The following DPYD variants were observed in gnomAD, a reference collection of about 807,000 sequenced individuals.
DPYD encodes dihydropyrimidine dehydrogenase [NADP(+)].
A neutral mutation model predicts 116.2 loss-of-function variants in DPYD; 109 were observed. That is an observed-to-expected ratio of 0.94 (90% CI 0.80 to 1.10). The LOEUF (loss-of-function observed/expected upper bound fraction) is 1.10. DPYD is among the 50% of genes least tolerant of loss of function. The pLI, the probability that DPYD is intolerant of heterozygous loss-of-function variation, is 0.00. For synonymous variants in DPYD, 440 were observed against 432.0 expected, an observed-to-expected ratio of 1.02 and a Z score of -0.23; for missense variants, 1,302 against 1,254.5, an observed-to-expected ratio of 1.04 and a Z score of -0.57.
intron 1 of DPYD, among the ~76,000 whole-genome samples, chr1:97,897,885 A>G (rs560260429): frequency 1.3e-5 from 2 of 151,984 alleles, no homozygotes; most frequent in African/African-American, 4.8e-5. Context: ...TTTCATGCCT[A>G]GTTATTTTTA....
At chr1:97,111,909 TCA>T (rs1651626896) in intron 20 of DPYD, among the ~76,000 whole-genome samples, 1 of 152,074 alleles carries the variant, frequency 6.6e-6, no homozygotes, top group Non-Finnish European at 1.5e-5. Context: ...TTGTAAGATC[TCA>T]GTTTCCTCAC....
chr1:97,102,255 A>T (rs1191114465), intron 20 of DPYD, among the ~76,000 whole-genome samples: 2 of 151,500 alleles, frequency 1.3e-5, no homozygotes, highest in African/African-American at 4.8e-5. Context: ...ACTGTAATGG[A>T]TCAACTTTAT....
At chr1:97,467,363 C>T (rs183374722) in intron 13 of DPYD, among the ~76,000 whole-genome samples, 2 of 152,336 alleles carry the variant, frequency 1.3e-5, no homozygotes. Context: ...TAACTGATTG[C>T]AAATCAGAAA....
At chr1:97,689,832 G>C (rs1275527649) in intron 7 of DPYD, among the ~76,000 whole-genome samples, 1 of 152,030 alleles carries the variant, frequency 6.6e-6, no homozygotes, top group African/African-American at 2.4e-5. Flanking sequence ...TCCTCAAAGT[G>C]AAAAGGAATC....
intron 16 of DPYD, among the ~76,000 whole-genome samples, chr1:97,370,784 G>A (rs1444681719): frequency 6.6e-6 from 1 of 152,112 alleles, no homozygotes; most frequent in Non-Finnish European, 1.5e-5. Context: ...TATCCTTCAG[G>A]AGAGCAAGTG....
intron 2 of DPYD, among the ~76,000 whole-genome samples, chr1:97,832,045 T>TTGTGTG (rs35795641): frequency 0.13 from 16,817 of 133,798 alleles, 1,212 homozygotes; most frequent in Admixed American, 0.21. Context: ...ATATAATGTA[T>TTGTGTG]TGTGTGTGTG....
At chr1:97,435,631 G>A (rs1028313206) in intron 14 of DPYD, among the ~76,000 whole-genome samples, 2 of 151,788 alleles carry the variant, frequency 1.3e-5, no homozygotes, top group Admixed American at 1.3e-4. Flanking sequence ...AAGAAAAGCA[G>A]TCATTAAAAT....
intron 3 of DPYD, among the ~76,000 whole-genome samples, chr1:97,799,533 A>T (rs1321813276): frequency 1.3e-5 from 2 of 151,942 alleles, no homozygotes; most frequent in Non-Finnish European, 2.9e-5. Context: ...AAATTATGTG[A>T]TCTATCATAA....
At chr1:97,148,961 C>T (rs959241619) in intron 20 of DPYD, among the ~76,000 whole-genome samples, 6 of 152,114 alleles carry the variant, frequency 3.9e-5, no homozygotes, top group African/African-American at 1.4e-4. Context: ...CTTTTGTACG[C>T]TTTGGGCTTG....
chr1:97,531,452 A>T (rs1320711710), intron 12 of DPYD, among the ~76,000 whole-genome samples: 1 of 152,166 alleles, frequency 6.6e-6, no homozygotes, highest in Non-Finnish European at 1.5e-5. Context: ...TGTACATGAC[A>T]TGGCTGTAGG....
At chr1:97,748,980 T>C (rs988708089) in intron 3 of DPYD, among the ~76,000 whole-genome samples, 3 of 152,114 alleles carry the variant, frequency 2.0e-5, no homozygotes, top group African/African-American at 7.2e-5. Context: ...CTTATTATGG[T>C]TGCATATGTT....
At chr1:97,564,950 C>T (rs188436147) in intron 11 of DPYD, among the ~76,000 whole-genome samples, 89 of 152,132 alleles carry the variant, frequency 5.9e-4, no homozygotes, top group South Asian at 2.3e-3. Context: ...GTCAGGGTGT[C>T]GCATTGTACC....
intron 13 of DPYD, among the ~76,000 whole-genome samples, chr1:97,491,739 G>A (rs1344662790): frequency 2.6e-5 from 4 of 152,024 alleles, no homozygotes; most frequent in African/African-American, 9.7e-5. Context: ...GGCTGTTAAA[G>A]CTATTTTAAT....
At position 97,188,124 on chromosome 1, in the gene DPYD, T is replaced by C. The variant is rs1045338221; in HGVS notation, c.2622+4945A>G. On this transcript the variant is annotated intron_variant, in intron 20 of 22. Coordinates refer to ENST00000370192, the MANE Select transcript of DPYD (RefSeq NM_000110.4). The stretch of plus-strand genomic sequence containing the variant: ...ACTGAGAATGATGTATCTGGTCATA[T>C]GGATACAATTTTGGTTTCTATTATC... Among the ~76,000 whole-genome samples the C allele has an allele frequency of 3.7e-4, 57 of 152,340 alleles. 1 individual carries two copies. Among genetic ancestry groups the C allele is most frequent in the African/African-American group, 1.3e-3 (55 of 41,586 alleles).
At chr1:97,382,084 T>C (rs1019755218) in intron 15 of DPYD, among the ~76,000 whole-genome samples, 1 of 152,226 alleles carries the variant, frequency 6.6e-6, no homozygotes, top group Non-Finnish European at 1.5e-5. Context: ...AATTTTATCA[T>C]GGCATCCATC....
intron 1 of DPYD, among the ~76,000 whole-genome samples, chr1:97,905,372 G>A (rs1673558778): frequency 6.6e-6 from 1 of 151,844 alleles, no homozygotes; most frequent in Admixed American, 6.6e-5. Flanking sequence ...TCATTATAAA[G>A]TAGAAATAAA....
At chr1:97,229,693 AAATT>A (rs771193495) in intron 19 of DPYD, among the ~76,000 whole-genome samples, 104 of 151,548 alleles carry the variant, frequency 6.9e-4, no homozygotes, top group Non-Finnish European at 1.3e-3. Flanking sequence ...AATAATCTTT[AAATT>A]TCTACAGATT....
chr1:97,499,286 C>T (rs949552271), intron 13 of DPYD, among the ~76,000 whole-genome samples: 1 of 151,622 alleles, frequency 6.6e-6, no homozygotes, highest in Non-Finnish European at 1.5e-5. Context: ...ATGAAGTCTT[C>T]CAAGACTTTG....
chr1:97,460,110 C>T (rs1166665643), intron 13 of DPYD, among the ~76,000 whole-genome samples: 2 of 151,938 alleles, frequency 1.3e-5, no homozygotes, highest in East Asian at 3.9e-4. Context: ...TTGTAGTATG[C>T]AATTTTTATA....
Sources: allele counts gnomAD v4.1 joint callset (sites outside exome capture counted in the v4.1 genomes callset), GRCh38; gene constraint gnomAD v4.1.1; transcripts MANE v1.5; gene names NCBI Gene and HGNC (gene_info 2026-07-23, HGNC 2026-07-21).